The following DGKG variants were observed in gnomAD, a reference collection of about 807,000 sequenced individuals.
DGKG encodes diacylglycerol kinase gamma, also known as DAG kinase gamma.
A neutral mutation model predicts 105.3 loss-of-function variants in DGKG; 78 were observed. That is an observed-to-expected ratio of 0.74 (90% CI 0.62 to 0.89). The LOEUF (loss-of-function observed/expected upper bound fraction) is 0.89. Among genes scored for constraint, DGKG ranks in the 40% least tolerant of loss-of-function variants. The probability of loss-of-function intolerance (pLI) is 0.00; values close to 1 mark genes in which losing one functional copy is unlikely to be tolerated. For synonymous variants in DGKG, 346 were observed against 367.1 expected, an observed-to-expected ratio of 0.94 and a Z score of 0.66; for missense variants, 958 against 1,020.1, an observed-to-expected ratio of 0.94 and a Z score of 0.83.
At chr3:186,233,418 G>A (rs780212804) in intron 20 of DGKG, among the ~76,000 whole-genome samples, 3 of 152,162 alleles carry the variant, frequency 2.0e-5, no homozygotes, top group Non-Finnish European at 2.9e-5. Context: ...ATTTTAGCCC[G>A]GTGACACCTA....
chr3:186,280,049 G>C (rs1351433000), intron 8 of DGKG, 76 bp from the exon 9 acceptor site: 3 of 1,568,848 alleles, frequency 1.9e-6, no homozygotes, highest in Non-Finnish European at 1.7e-6. Context: ...CTGCTGTCTT[G>C]TTCATCTTGC....
intron 21 of DGKG, among the ~76,000 whole-genome samples, chr3:186,193,012 C>T (rs1171193993): frequency 6.6e-6 from 1 of 152,136 alleles, no homozygotes; most frequent in Non-Finnish European, 1.5e-5. Flanking sequence ...ACTTGGTAAA[C>T]GTTTACCTCT....
chr3:186,280,925 C>T (rs764085009), intron 7 of DGKG, among the ~76,000 whole-genome samples, 181 bp from the exon 8 acceptor site: 1 of 152,158 alleles, frequency 6.6e-6, no homozygotes. Context: ...ACAAAGCTCA[C>T]GAGAAGCACA....
chr3:186,354,447 G>A (rs537432861), intron 1 of DGKG, among the ~76,000 whole-genome samples: 3 of 152,296 alleles, frequency 2.0e-5, no homozygotes, highest in Admixed American at 2.0e-4. Flanking sequence ...TATTCCCAAG[G>A]CGAGAAGAAA....
intron 20 of DGKG, among the ~76,000 whole-genome samples, chr3:186,221,171 C>T (rs976043148): frequency 1.8e-4 from 28 of 152,202 alleles, no homozygotes; most frequent in Non-Finnish European, 2.8e-4. Context: ...GGCCACTGTG[C>T]TGTGAAAGGC....
intron 5 of DGKG, among the ~76,000 whole-genome samples, chr3:186,297,068 T>TCTCTCTCTCTCTCTCACACACACA (rs1452573661): frequency 5.4e-5 from 7 of 130,504 alleles, no homozygotes; most frequent in African/African-American, 2.0e-4. Context: ...TCTGTCTCTC[T>TCTCTCTCTCTCTCTCACACACACA]CACACACACA....
At chr3:186,330,365 G>A (rs530917160) in intron 1 of DGKG, among the ~76,000 whole-genome samples, 15 of 152,234 alleles carry the variant, frequency 9.9e-5, no homozygotes, top group South Asian at 2.1e-4. Context: ...TATTGTGGTC[G>A]TCATTTACAT....
At chr3:186,264,212 T>C (rs1721929623) in intron 14 of DGKG, among the ~76,000 whole-genome samples, 1 of 152,204 alleles carries the variant, frequency 6.6e-6, no homozygotes, top group African/African-American at 2.4e-5. Flanking sequence ...TGTCTAGAGC[T>C]TTCTCACATA....
intron 14 of DGKG, 147 bp from the exon 15 acceptor site, chr3:186,261,925 AG>A (rs1721794935): frequency 1.7e-6 from 1 of 582,674 alleles, no homozygotes; most frequent in African/African-American, 1.9e-5. Flanking sequence ...GAATTTTCGG[AG>A]GGGCTAAGTA....
Position 186,276,948 on chromosome 3 carries a change from A to G in DGKG, c.793-1284T>C, listed in dbSNP as rs549174190. Among the ~76,000 whole-genome samples, 252 of 152,302 alleles carry G rather than the reference A, an allele frequency of 1.7e-3. 1 individual carries two copies. Among genetic ancestry groups the G allele is most frequent in the African/African-American group, 5.9e-3 (244 of 41,574 alleles). On this transcript the variant is annotated intron_variant, in intron 9 of 24. Coordinates refer to ENST00000265022, the MANE Select transcript of DGKG (RefSeq NM_001346.3). The stretch of plus-strand genomic sequence containing the variant: ...CTCAGCCTGTGCCCAGGCTTCTTTT[A>G]TGATCTCCAGAGGAGCTCACATTCT...
chr3:186,266,444 T>G (rs1722061043), intron 13 of DGKG, among the ~76,000 whole-genome samples: 1 of 152,222 alleles, frequency 6.6e-6, no homozygotes, highest in Non-Finnish European at 1.5e-5. Context: ...ATAAAGCTGC[T>G]ATGAGCATTC....
At position 186,265,143 on chromosome 3, in the gene DGKG, G is replaced by A. The variant is rs1578747618; in HGVS notation, c.1269+104C>T. 17 of 1,102,752 alleles carry A rather than the reference G, an allele frequency of 1.5e-5. No individual in the cohort carries two copies. The South Asian group carries it at 2.2e-4, about 14-fold the overall frequency. The allele number at this position is 1,102,752 out of a possible 1,614,324, so 68.3% of individuals were successfully genotyped here. ...GGTGGTATAATTAGTCAGATGAGAA[G>A]GCAAATGCTGAGATGCTTTTCTGTA... On this transcript the variant is annotated intron_variant, in intron 14 of 24. Transcript: ENST00000265022.
chr3:186,208,892 A>T (rs1420624052), intron 21 of DGKG, among the ~76,000 whole-genome samples: 1 of 152,170 alleles, frequency 6.6e-6, no homozygotes, highest in African/African-American at 2.4e-5. Flanking sequence ...ACTCTAAAAG[A>T]CCTGGAATCT....
intron 20 of DGKG, among the ~76,000 whole-genome samples, chr3:186,227,263 G>A (rs1182012277): frequency 1.3e-5 from 2 of 152,194 alleles, no homozygotes; most frequent in African/African-American, 4.8e-5. Flanking sequence ...AATCAATACA[G>A]CATCATACCA....
intron 5 of DGKG, among the ~76,000 whole-genome samples, chr3:186,290,052 G>T (rs900961539): frequency 6.6e-6 from 1 of 152,160 alleles, no homozygotes; most frequent in Non-Finnish European, 1.5e-5. Flanking sequence ...ATTACAGAGG[G>T]CCTCATGAAG....
intron 22 of DGKG, among the ~76,000 whole-genome samples, chr3:186,184,772 C>T (rs1243646193): frequency 6.6e-6 from 1 of 152,128 alleles, no homozygotes; most frequent in Non-Finnish European, 1.5e-5. Flanking sequence ...CTCATTCCCT[C>T]CTACTGTGTC....
intron 20 of DGKG, among the ~76,000 whole-genome samples, chr3:186,232,386 T>G (rs534696404): frequency 6.6e-5 from 10 of 152,356 alleles, no homozygotes; most frequent in African/African-American, 2.4e-4. Context: ...GTTATAGCGC[T>G]GAGTGTTTAT....
intron 1 of DGKG, among the ~76,000 whole-genome samples, chr3:186,348,451 C>CTTT (rs1159516433): frequency 0.025 from 1,259 of 50,680 alleles, 65 homozygotes; most frequent in African/African-American, 0.087. Flanking sequence ...GGCTCATAAT[C>CTTT]TTTTTTTTTT....
At chr3:186,165,538 C>T (rs573247394) in intron 22 of DGKG, among the ~76,000 whole-genome samples, 3 of 152,296 alleles carry the variant, frequency 2.0e-5, no homozygotes, top group African/African-American at 7.2e-5. Flanking sequence ...CCTTGGACGT[C>T]CTCAGGAAAA....
Sources: allele counts gnomAD v4.1 joint callset (sites outside exome capture counted in the v4.1 genomes callset), GRCh38; gene constraint gnomAD v4.1.1; transcripts MANE v1.5; gene names NCBI Gene and HGNC (gene_info 2026-07-23, HGNC 2026-07-21).